NPRL3: variants seen among roughly 807,000 people sequenced by gnomAD.
The protein encoded by NPRL3 is GATOR1 complex protein NPRL3.
Under a neutral mutation model 57.2 loss-of-function variants are expected in NPRL3, and 23 were observed. That is an observed-to-expected ratio of 0.40 (90% CI 0.29 to 0.57). NPRL3 has a LOEUF of 0.57. NPRL3 is among the 20% of genes least tolerant of loss of function. The pLI is 0.42. For missense variants in NPRL3, 691 were observed against 767.1 expected (o/e 0.90, Z 1.17); for synonymous variants, 333 against 321.1 (o/e 1.04, Z -0.39).
intron 7 of NPRL3, 109 bp from the exon 8 acceptor site, chr16:100,618 C>T (rs538413464): frequency 1.8e-4 from 204 of 1,146,212 alleles, no homozygotes; most frequent in Non-Finnish European, 2.1e-4. Flanking sequence ...TTAGGGGAAA[C>T]TGCAGGTGGA....
At chr16:130,447 G>A in intron 3 of NPRL3, 75 bp downstream of exon 3, 1 of 1,409,654 alleles carries the variant, frequency 7.1e-7, no homozygotes, top group South Asian at 1.2e-5. Flanking sequence ...ACATCTGGGT[G>A]AATAGGAGGG....
At chr16:130,680 T>C in intron 2 of NPRL3, 89 bp from the exon 3 acceptor site, 4 of 1,240,512 alleles carry the variant, frequency 3.2e-6, no homozygotes, top group Non-Finnish European at 4.6e-6. Context: ...AGCCATGTTT[T>C]CCAAAACATG....
chr16:99,415 C>T (rs1474505365), intron 8 of NPRL3, among the ~76,000 whole-genome samples: 2 of 151,920 alleles, frequency 1.3e-5, no homozygotes, highest in African/African-American at 2.4e-5. Context: ...CAGGCCGAGG[C>T]GGGTGGATCA....
intron 8 of NPRL3, among the ~76,000 whole-genome samples, chr16:99,143 A>G (rs1899157130): frequency 2.0e-5 from 3 of 152,228 alleles, no homozygotes; most frequent in African/African-American, 7.2e-5. Flanking sequence ...ACTAGGGACC[A>G]AAGTACATTA....
At chr16:109,312 G>C (rs1899677854) in intron 7 of NPRL3, among the ~76,000 whole-genome samples, 1 of 152,070 alleles carries the variant, frequency 6.6e-6, no homozygotes, top group South Asian at 2.1e-4. Context: ...AATACAATCA[G>C]AACAACTGTG....
chr16:94,680 A>G (rs899241853), intron 9 of NPRL3, among the ~76,000 whole-genome samples: 2 of 152,166 alleles, frequency 1.3e-5, no homozygotes, highest in African/African-American at 4.8e-5. Flanking sequence ...TGCACCTGGG[A>G]GGTGGGGGTT....
chr16:117,373 G>C lies in NPRL3; in HGVS notation c.321C>G (p.Ile107Met). The C allele has an allele frequency of 6.2e-7, 1 of 1,604,250 alleles. No homozygotes were observed. The highest frequency in any genetic ancestry group is 8.5e-7 in the Non-Finnish European group (1 of 1,172,810). Residue 107 changes from isoleucine (I) to methionine (M), a missense_variant and splice_region_variant, in exon 5 of 14, where the codon ATC (isoleucine) becomes ATG (methionine). Ile to Met is a conservative substitution (Grantham distance 10). Transcript: ENST00000611875. ...PTLLQHALGQISKTDPSPKRE... is the reference protein window; with the variant it reads ...PTLLQHALGQMSKTDPSPKRE... ...TCTTCGGGGAAGGATCTGTTTTGGA[G>C]ATCTGTAAAAGATGCATAATTCTAA...
intron 4 of NPRL3, among the ~76,000 whole-genome samples, chr16:118,849 G>A (rs1900156518): frequency 6.6e-6 from 1 of 150,858 alleles, no homozygotes; most frequent in African/African-American, 2.4e-5. Context: ...AACCCCACCT[G>A]CCCAAGGACA....
chr16:134,697 T>A (rs7204182), intron 2 of NPRL3, among the ~76,000 whole-genome samples: 8,244 of 65,484 alleles, frequency 0.13, 555 homozygotes, highest in African/African-American at 0.3. Context: ...TATTATTATT[T>A]TTTTTTTTTT....
intron 6 of NPRL3, among the ~76,000 whole-genome samples, chr16:111,081 T>C (rs1217412856): frequency 6.6e-6 from 1 of 152,172 alleles, no homozygotes; most frequent in Non-Finnish European, 1.5e-5. Context: ...AGTATATAAT[T>C]GGCCAAAACA....
chr16:115,120 G>A (rs779564452), intron 5 of NPRL3, among the ~76,000 whole-genome samples: 2 of 151,684 alleles, frequency 1.3e-5, no homozygotes, highest in Admixed American at 6.6e-5. Context: ...GACTACAGGC[G>A]CACATCATCA....
intron 2 of NPRL3, among the ~76,000 whole-genome samples, chr16:131,811 C>A (rs1157754294): frequency 2.0e-5 from 3 of 152,058 alleles, no homozygotes; most frequent in South Asian, 2.1e-4. Context: ...TGAAAGATTT[C>A]TCTGTCGTAC....
chr16:86,739 G>A lies in NPRL3; in HGVS notation c.1676C>T (p.Pro559Leu). The change falls in exon 14 of 14, where the codon CCT (proline) becomes CTT (leucine). Residue 559 changes from proline to leucine, a missense_variant. Physicochemically the swap from Pro to Leu is moderately conservative, Grantham distance 98. Transcript: ENST00000611875. ...SVLVVTTHED[P>L]VIAVFQALLP is the part of the protein sequence containing the mutation. ...CAGAGCCTGGAAGACGGCAATGACA[G>A]GGTCCTCGTGGGTGGTCACCACCAG... 6.4e-7 allele frequency: 1 copy of A among 1,572,786 alleles called. No individual in the cohort carries two copies. The highest frequency in any genetic ancestry group is 8.6e-7 in the Non-Finnish European group (1 of 1,160,348).
At chr16:99,132 G>C (rs796550293) in intron 8 of NPRL3, among the ~76,000 whole-genome samples, 2 of 152,310 alleles carry the variant, frequency 1.3e-5, no homozygotes, top group African/African-American at 4.8e-5. Flanking sequence ...CCTCCTCACA[G>C]ACTAGGGACC....
At chr16:90,026 G>T in intron 11 of NPRL3, 124 bp from the exon 12 acceptor site, 2 of 931,886 alleles carry the variant, frequency 2.1e-6, no homozygotes, top group Non-Finnish European at 3.1e-6. Context: ...AGGCAGAAAG[G>T]CCCTCTTCTC....
chr16:99,160 G>C (rs552889580), intron 8 of NPRL3, among the ~76,000 whole-genome samples: 1 of 152,306 alleles, frequency 6.6e-6, no homozygotes, highest in African/African-American at 2.4e-5. Context: ...ATTAAAATAT[G>C]CTTAGCTAGG....
At chr16:117,019 T>C (rs1900072934) in intron 5 of NPRL3, among the ~76,000 whole-genome samples, 1 of 152,106 alleles carries the variant, frequency 6.6e-6, no homozygotes, top group Admixed American at 6.5e-5. Context: ...GGGGTTTCCT[T>C]CTGGGGTGGT....
intron 3 of NPRL3, among the ~76,000 whole-genome samples, chr16:123,761 C>T (rs1311047232): frequency 6.7e-6 from 1 of 149,886 alleles, no homozygotes; most frequent in African/African-American, 2.5e-5. Context: ...ACACACTCCC[C>T]ACGCTGAGAA....
At chr16:103,617 G>A (rs1482460887) in intron 7 of NPRL3, among the ~76,000 whole-genome samples, 1 of 152,118 alleles carries the variant, frequency 6.6e-6, no homozygotes, top group Non-Finnish European at 1.5e-5. Flanking sequence ...TAGGTACTTG[G>A]AGTGCAGCAG....
Sources: gnomAD v4.1 joint callset for allele counts (sites outside exome capture counted in the v4.1 genomes callset) on GRCh38, gnomAD v4.1.1 for gene constraint, MANE v1.5 for transcripts, NCBI Gene and HGNC (gene_info 2026-07-23, HGNC 2026-07-21) for gene names.